NRP2: variants seen among roughly 807,000 people sequenced by gnomAD.
NRP2 encodes the protein neuropilin 2.
Under a neutral mutation model 110.4 loss-of-function variants are expected in NRP2, and 52 were observed. The ratio of observed to expected loss-of-function variants is 0.47; its 90% CI spans 0.38 to 0.59. NRP2 has a LOEUF of 0.59. Among genes scored for constraint, NRP2 ranks in the 20% least tolerant of loss-of-function variants. The pLI is 0.00. For missense variants in NRP2, 1,049 were observed against 1,203.0 expected (o/e 0.87, Z 1.89); for synonymous variants, 508 against 468.9 (o/e 1.08, Z -1.08).
intron 12 of NRP2, among the ~76,000 whole-genome samples, chr2:205,761,263 A>G (rs1387350124): frequency 1.3e-5 from 2 of 152,194 alleles, no homozygotes; most frequent in Non-Finnish European, 2.9e-5. Context: ...CATAGAAACA[A>G]AATTTTCTTG....
At chr2:205,787,669 T>A (rs2058249226) in intron 15 of NRP2, among the ~76,000 whole-genome samples, 1 of 150,294 alleles carries the variant, frequency 6.7e-6, no homozygotes, top group Non-Finnish European at 1.5e-5. Context: ...TAATCTTAAC[T>A]TAGAAGAAGG....
At chr2:205,742,214 T>C (rs1292045086) in intron 8 of NRP2, among the ~76,000 whole-genome samples, 1 of 152,180 alleles carries the variant, frequency 6.6e-6, no homozygotes, top group Non-Finnish European at 1.5e-5. Context: ...AAATGCACAT[T>C]GACTATAGAC....
intron 7 of NRP2, 110 bp downstream of exon 7, chr2:205,728,156 C>T (rs1184660962): frequency 7.7e-7 from 1 of 1,296,606 alleles, no homozygotes; most frequent in African/African-American, 1.5e-5. Context: ...TGTAGTCAGG[C>T]TCAGATAATT....
intron 1 of NRP2, 36 bp from the exon 2 acceptor site, chr2:205,697,508 A>G (rs1489060623): frequency 1.9e-6 from 3 of 1,587,190 alleles, no homozygotes; most frequent in Admixed American, 1.7e-5. Flanking sequence ...GTTGTAACAT[A>G]TTTGAAGTTC....
At chr2:205,779,081 A>G (rs548089507) in intron 15 of NRP2, 1 of 152,384 alleles carries the variant, frequency 6.6e-6, no homozygotes, top group South Asian at 2.1e-4. Context: ...AGGCGAATGC[A>G]TGCATGCATG....
At chr2:205,718,967 T>C (rs2056957905) in intron 3 of NRP2, among the ~76,000 whole-genome samples, 1 of 150,562 alleles carries the variant, frequency 6.6e-6, no homozygotes. Flanking sequence ...GTCAACCTTG[T>C]ATAAAGTGCA....
In NRP2 at chr2:205,763,459, C is replaced by T. The variant is rs1434375458; in HGVS notation, c.2045-215C>T. Among the ~76,000 whole-genome samples, 1 of 151,922 alleles carries T rather than the reference C, an allele frequency of 6.6e-6. No homozygotes were observed. Among genetic ancestry groups the T allele is most frequent in the East Asian group, 1.9e-4 (1 of 5,186 alleles). ...ATACCGAGAAATAGGCAGGAGGGAC[C>T]GATTTGACTTAGAGACTCTTAAGAA... On this transcript the variant is annotated intron_variant, in intron 12 of 16. Coordinates refer to ENST00000357785, the MANE Select transcript of NRP2 (RefSeq NM_003872.3). The surrounding 1 kb of genome is among the most constrained non-coding windows in gnomAD (Gnocchi z 4.0).
intron 16 of NRP2, among the ~76,000 whole-genome samples, chr2:205,793,004 T>A (rs570253463): frequency 2.0e-5 from 3 of 152,322 alleles, no homozygotes; most frequent in African/African-American, 7.2e-5. Context: ...TTGATGAATT[T>A]AAGAGGAACA....
rs193045346 is a variant in NRP2 at position 205,777,000 on chromosome 2, T to A, written c.2425+10197T>A. 31 of 1,046,156 alleles carry A rather than the reference T, an allele frequency of 3.0e-5. No homozygotes were observed. The African/African-American group carries it at 5.2e-4, about 17-fold the overall frequency. 64.8% of individuals were successfully genotyped at this position (1,046,156 alleles called of 1,614,324 possible). On this transcript the variant is annotated intron_variant, in intron 15 of 16. Coordinates refer to ENST00000357785, the MANE Select transcript of NRP2 (RefSeq NM_003872.3). The stretch of plus-strand genomic sequence containing the variant: ...TGTGGGTGTGTGAGAGAGCGGCTGG[T>A]TCATTGTGTGTGTGTTTGGGCGAGG...
At chr2:205,689,952 T>C (rs1020025034) in intron 1 of NRP2, among the ~76,000 whole-genome samples, 1 of 151,958 alleles carries the variant, frequency 6.6e-6, no homozygotes, top group Non-Finnish European at 1.5e-5. Context: ...CATAAAGGAG[T>C]CATTATCTAA....
intron 15 of NRP2, chr2:205,767,775 C>T (rs2057950676): frequency 1.2e-5 from 2 of 172,622 alleles, no homozygotes; most frequent in South Asian, 1.1e-4. Context: ...TAAAAGCACA[C>T]ACAAAAACAC....
chr2:205,722,759 T>C (rs1259868132), intron 4 of NRP2, 51 bp downstream of exon 4: 2 of 1,455,062 alleles, frequency 1.4e-6, no homozygotes, highest in Admixed American at 1.7e-5. Flanking sequence ...TGCCTGTTAA[T>C]TGCTTTAGTG....
At chr2:205,759,611 C>A (rs1575641564) in intron 12 of NRP2, 1 of 152,298 alleles carries the variant, frequency 6.6e-6, no homozygotes, top group Admixed American at 6.5e-5. Flanking sequence ...AAACTTGGGG[C>A]CGGCTGGTTT....
chr2:205,774,009 C>G (rs1246168682), intron 15 of NRP2, among the ~76,000 whole-genome samples: 3 of 152,194 alleles, frequency 2.0e-5, no homozygotes, highest in Non-Finnish European at 2.9e-5. Context: ...TGTGGAGCCA[C>G]ATGAAAATCA....
chr2:205,703,135 A>G (rs1428681976), intron 2 of NRP2, among the ~76,000 whole-genome samples: 8 of 152,208 alleles, frequency 5.3e-5, no homozygotes, highest in Admixed American at 5.2e-4. Context: ...TGGAAATGCC[A>G]GGCAATAGGT....
In NRP2 at chr2:205,743,442, A is replaced by G. The variant is rs1321349408; in HGVS notation, c.1531A>G (p.Ser511Gly). ...CATCCAGGGAGCCCGCGGAGGAGAC[A>G]GTATCACTGCTGTGGAAGCCAGAGC... ...VIIQGARGGD[S>G]ITAVEARAFV... Residue 511 changes from serine (S) to glycine (G), a missense_variant, in exon 9 of 17, where the codon AGT (serine) becomes GGT (glycine). Physicochemically the swap from Ser to Gly is moderately conservative, Grantham distance 56. Transcript: ENST00000357785. The G allele has an allele frequency of 1.2e-6, 2 of 1,614,126 alleles. No individual in the cohort carries two copies. The highest frequency in any genetic ancestry group is 3.3e-5 in the Admixed American group (2 of 60,010).
intron 9 of NRP2, among the ~76,000 whole-genome samples, chr2:205,744,925 G>A (rs1407467352): frequency 2.6e-5 from 4 of 152,210 alleles, no homozygotes; most frequent in Admixed American, 2.6e-4. Flanking sequence ...TTGCCATTGT[G>A]GGAGACAGCC....
chr2:205,715,714 TTACA>T (rs2056881415), intron 2 of NRP2, among the ~76,000 whole-genome samples: 1 of 152,220 alleles, frequency 6.6e-6, no homozygotes, highest in Admixed American at 6.5e-5. Flanking sequence ...GCCTAGCCCC[TTACA>T]TATATATTTT....
intron 7 of NRP2, among the ~76,000 whole-genome samples, chr2:205,739,633 C>A (rs1314308574): frequency 1.3e-5 from 2 of 151,418 alleles, no homozygotes; most frequent in Non-Finnish European, 2.9e-5. Flanking sequence ...TTCCCTCTAC[C>A]CTTATTCAGG....
Sources: gnomAD v4.1 joint callset for allele counts (sites outside exome capture counted in the v4.1 genomes callset) on GRCh38, gnomAD v4.1.1 for gene constraint, Gnocchi (gnomAD v3.1) non-coding constraint, MANE v1.5 for transcripts, NCBI Gene and HGNC (gene_info 2026-07-23, HGNC 2026-07-21) for gene names.